Variants in SAMHD1 observed in about 807,000 individuals in gnomAD.
SAMHD1 encodes SAM and HD domain containing deoxynucleoside triphosphate triphosphohydrolase 1.
Under a neutral mutation model 79.6 loss-of-function variants are expected in SAMHD1, and 54 were observed. The ratio of observed to expected loss-of-function variants is 0.68; its 90% CI spans 0.55 to 0.85. The LOEUF (loss-of-function observed/expected upper bound fraction) is 0.85, where lower values mean the gene tolerates loss of function less well. Ranked by LOEUF, SAMHD1 falls within the 40% of genes least tolerant of loss-of-function variation. SAMHD1 has a pLI of 0.00. For missense variants in SAMHD1, 663 were observed against 782.7 expected, an observed-to-expected ratio of 0.85 and a Z score of 1.82; for synonymous variants, 260 against 264.1, an observed-to-expected ratio of 0.98 and a Z score of 0.15.
chr20:36,904,500 T>C, intron 12 of SAMHD1: 1 of 433,342 alleles, frequency 2.3e-6, no homozygotes, highest in Non-Finnish European at 4.3e-6. Context: ...GGGCGGATCA[T>C]GAGGTCGGGA....
At chr20:36,913,787 T>C (rs1340206956) in intron 9 of SAMHD1, among the ~76,000 whole-genome samples, 1 of 148,660 alleles carries the variant, frequency 6.7e-6, no homozygotes, top group Non-Finnish European at 1.5e-5. Context: ...AGTCTCGCTC[T>C]GTCACCCAGG....
chr20:36,894,465 T>TCGTGATCCG (rs1990160131), intron 15 of SAMHD1, among the ~76,000 whole-genome samples: 1 of 151,982 alleles, frequency 6.6e-6, no homozygotes, highest in African/African-American at 2.4e-5. Flanking sequence ...ACTCCTGACC[T>TCGTGATCCG]CAGTAAAGGC....
rs151018577 is a variant in SAMHD1, at chr20:36,905,742, G to A, written c.1271-239C>T. Among the ~76,000 whole-genome samples, 366 of 152,212 alleles carry A rather than the reference G, an allele frequency of 2.4e-3. 6 individuals carry two copies. The highest frequency in any genetic ancestry group is 8.4e-3 in the African/African-American group (350 of 41,532). ...TCCCAGCACTCTGAGAGGCCGAGGC[G>A]GGCGGATCACTTGAGGTAAGGAGTT... On this transcript the variant is annotated intron_variant, in intron 11 of 15. Coordinates refer to ENST00000646673, the MANE Select transcript of SAMHD1 (RefSeq NM_015474.4).
chr20:36,895,588 G>C (rs1300406360), intron 15 of SAMHD1, among the ~76,000 whole-genome samples: 1 of 151,920 alleles, frequency 6.6e-6, no homozygotes, highest in Non-Finnish European at 1.5e-5. Flanking sequence ...ACTGTTCCAG[G>C]TACCTAACAC....
intron 1 of SAMHD1, among the ~76,000 whole-genome samples, chr20:36,948,532 C>G (rs946137567): frequency 6.6e-6 from 1 of 151,102 alleles, no homozygotes; most frequent in Non-Finnish European, 1.5e-5. Flanking sequence ...GGATTACAGG[C>G]GTGAGCCACC....
chr20:36,948,945 G>C (rs1260778402), intron 1 of SAMHD1, among the ~76,000 whole-genome samples: 5 of 150,762 alleles, frequency 3.3e-5, no homozygotes, highest in African/African-American at 1.2e-4. Flanking sequence ...TCCAATATCA[G>C]ATATCTGCAA....
chr20:36,942,137 C>T (rs1197021509), intron 2 of SAMHD1, among the ~76,000 whole-genome samples: 2 of 152,106 alleles, frequency 1.3e-5, no homozygotes, highest in Non-Finnish European at 2.9e-5. Context: ...CAAAATCGGC[C>T]GGGCGCAGTG....
At chr20:36,928,919 T>C (rs1168882585) in intron 5 of SAMHD1, among the ~76,000 whole-genome samples, 1 of 151,704 alleles carries the variant, frequency 6.6e-6, no homozygotes, top group Non-Finnish European at 1.5e-5. Context: ...TAGCTGGGCA[T>C]GGTGGCATGT....
At chr20:36,908,956 A>G (rs1027347995) in intron 11 of SAMHD1, among the ~76,000 whole-genome samples, 6 of 151,540 alleles carry the variant, frequency 4.0e-5, no homozygotes, top group African/African-American at 1.5e-4. Flanking sequence ...TTATTTATTT[A>G]TTTATTTTTA....
intron 11 of SAMHD1, among the ~76,000 whole-genome samples, chr20:36,908,812 C>A (rs2063420121): frequency 6.6e-6 from 1 of 152,122 alleles, no homozygotes; most frequent in African/African-American, 2.4e-5. Flanking sequence ...CGGCAGCACT[C>A]TCGGCAGGAA....
chr20:36,893,075 A>G lies in SAMHD1; in HGVS notation c.1747-9T>C. 6.2e-7 allele frequency: 1 copy of G among 1,612,214 alleles called. No individual in the cohort carries two copies. ...GCTATAACATCGCCATCCTATTAGG[A>G]AGAGAGAGAAAAACAGGCAATAGAG... On this transcript the variant is annotated splice_polypyrimidine_tract_variant and intron_variant, in intron 15 of 15. Coordinates refer to ENST00000646673, the MANE Select transcript of SAMHD1 (RefSeq NM_015474.4).
Position 36,893,083 on chromosome 20 carries a change from GA to G in SAMHD1, c.1747-18del. On this transcript the variant is annotated intron_variant, in intron 15 of 15. Coordinates refer to ENST00000646673, the MANE Select transcript of SAMHD1 (RefSeq NM_015474.4). The stretch of plus-strand genomic sequence containing the variant: ...ATCGCCATCCTATTAGGAAGAGAGA[GA>G]AAAACAGGCAATAGAGAAAAGCCAG... 3 of 1,611,414 alleles carry G rather than the reference GA, an allele frequency of 1.9e-6. No homozygotes were observed. The highest frequency in any genetic ancestry group is 2.5e-6 in the Non-Finnish European group (3 of 1,179,932).
chr20:36,915,608 G>A (rs547070134), intron 9 of SAMHD1, among the ~76,000 whole-genome samples: 3 of 152,038 alleles, frequency 2.0e-5, no homozygotes, highest in East Asian at 3.9e-4. Flanking sequence ...GTGGTAGCAT[G>A]CATCTGTAAA....
At chr20:36,905,293 G>A (rs1380650412) in intron 12 of SAMHD1, 71 bp downstream of exon 12, 8 of 1,490,504 alleles carry the variant, frequency 5.4e-6, no homozygotes, top group Middle Eastern at 1.7e-4. Context: ...ATAGTATCAC[G>A]ATAGGTTAGT....
At chr20:36,915,779 A>C (rs143373660) in intron 9 of SAMHD1, among the ~76,000 whole-genome samples, 23 of 151,966 alleles carry the variant, frequency 1.5e-4, no homozygotes, top group African/African-American at 5.1e-4. Flanking sequence ...ACAGATTTTC[A>C]ACTAGGAGAG....
intron 6 of SAMHD1, among the ~76,000 whole-genome samples, chr20:36,925,804 C>T (rs764217757): frequency 1.3e-5 from 2 of 152,062 alleles, no homozygotes; most frequent in Non-Finnish European, 2.9e-5. Flanking sequence ...ATTAGAAGGG[C>T]TAATTTGAAA....
At position 36,923,158 on chromosome 20, in the gene SAMHD1, A is replaced by G. The variant is rs554419678; in HGVS notation, c.697-3639T>C. On this transcript the variant is annotated intron_variant, in intron 6 of 15. Transcript: ENST00000646673. ...TGGGACTACAGGTGCCTGCCACCAC[A>G]CCCAGCCAATTTTTTTGTATTTTTA... 1.6e-4 allele frequency among the ~76,000 whole-genome samples: 24 copies of G among 151,396 alleles called. No individual in the cohort carries two copies. In the East Asian group the frequency reaches 3.9e-3, roughly 25 times the overall value.
At chr20:36,903,378 T>C (rs2063386644) in intron 13 of SAMHD1, among the ~76,000 whole-genome samples, 1 of 151,298 alleles carries the variant, frequency 6.6e-6, no homozygotes, top group Admixed American at 6.6e-5. Context: ...TAGCTGGGAC[T>C]ACAGGCACAC....
At position 36,941,123 on chromosome 20, in the gene SAMHD1, A is replaced by G. The variant is rs1284825300; in HGVS notation, c.276-12T>C. Reference sequence around the variant, plus strand: ...TCTCCCCCAAGGAACTAAAATTACAATAGGATAAGCAAGTCTATCATTATT... The same window carrying G: ...TCTCCCCCAAGGAACTAAAATTACAGTAGGATAAGCAAGTCTATCATTATT... On this transcript the variant is annotated splice_polypyrimidine_tract_variant and intron_variant, in intron 2 of 15. Coordinates refer to ENST00000646673, the MANE Select transcript of SAMHD1 (RefSeq NM_015474.4). 1.2e-5 allele frequency: 19 copies of G among 1,581,810 alleles called. No homozygotes were observed. Among genetic ancestry groups the G allele is most frequent in the Non-Finnish European group, 1.7e-5 (19 of 1,151,132 alleles).
Sources: gnomAD v4.1 joint callset for allele counts (sites outside exome capture counted in the v4.1 genomes callset) on GRCh38, gnomAD v4.1.1 for gene constraint, MANE v1.5 for transcripts, NCBI Gene and HGNC (gene_info 2026-07-23, HGNC 2026-07-21) for gene names.